The following PRKN variants were observed in gnomAD, a reference collection of about 807,000 sequenced individuals.
PRKN encodes the protein E3 ubiquitin-protein ligase parkin.
A neutral mutation model predicts 59.5 loss-of-function variants in PRKN; 56 were observed. That is an observed-to-expected ratio of 0.94 (90% CI 0.76 to 1.18). The LOEUF is 1.18. Ranked by LOEUF, PRKN falls within the 50% of genes most tolerant of loss-of-function variation. PRKN has a pLI of 0.00. For missense variants in PRKN, 657 were observed against 596.4 expected, an observed-to-expected ratio of 1.10 and a Z score of -1.06; for synonymous variants, 250 against 222.1, an observed-to-expected ratio of 1.13 and a Z score of -1.12.
At chr6:162,438,393 T>C (rs550970853) in intron 2 of PRKN, among the ~76,000 whole-genome samples, 1 of 152,308 alleles carries the variant, frequency 6.6e-6, no homozygotes, top group Admixed American at 6.5e-5. Context: ...CCCTCCTTCC[T>C]AGTGTTCCAA....
intron 2 of PRKN, among the ~76,000 whole-genome samples, chr6:162,318,636 T>C (rs1018727002): frequency 6.6e-6 from 1 of 152,050 alleles, no homozygotes; most frequent in Non-Finnish European, 1.5e-5. Context: ...TTGATAATAG[T>C]TATCCTAATG....
chr6:161,852,312 A>AGGT (rs1440773374), intron 6 of PRKN, among the ~76,000 whole-genome samples: 1 of 152,040 alleles, frequency 6.6e-6, no homozygotes, highest in Non-Finnish European at 1.5e-5. Context: ...AAAATGAGCC[A>AGGT]GGTGGTGGTG....
intron 2 of PRKN, among the ~76,000 whole-genome samples, chr6:162,315,705 T>A (rs962249796): frequency 6.6e-6 from 1 of 152,130 alleles, no homozygotes; most frequent in Non-Finnish European, 1.5e-5. Context: ...TTAGAAGACA[T>A]AAGTCTTTTT....
Position 161,362,427 on chromosome 6 carries a change from G to A in PRKN, c.1168-2222C>T, listed in dbSNP as rs564975000. Reference sequence around the variant, plus strand: ...GCAGGAGACAAAGCCTCCAGCCAGAGCCAGGTGGGAGGTGGAATCCAGTTT... The same window carrying A: ...GCAGGAGACAAAGCCTCCAGCCAGAACCAGGTGGGAGGTGGAATCCAGTTT... On this transcript the variant is annotated intron_variant, in intron 10 of 11. Transcript: ENST00000366898. The surrounding 1 kb of genome is among the most constrained non-coding windows in gnomAD (Gnocchi z 5.2). Among the ~76,000 whole-genome samples the A allele has an allele frequency of 2.0e-5, 3 of 152,276 alleles. No individual in the cohort carries two copies. The South Asian group carries it at 6.2e-4, about 32-fold the overall frequency.
intron 6 of PRKN, among the ~76,000 whole-genome samples, chr6:161,939,476 A>G (rs995799779): frequency 1.3e-5 from 2 of 149,702 alleles, no homozygotes; most frequent in Non-Finnish European, 3.0e-5. Context: ...TCACACTTGT[A>G]ATCCCAGCAC....
chr6:162,647,116 G>T (rs527283583), intron 1 of PRKN, among the ~76,000 whole-genome samples: 11 of 151,982 alleles, frequency 7.2e-5, no homozygotes, highest in African/African-American at 2.7e-4. Flanking sequence ...CTCCACAAAG[G>T]TAAACACTGA....
chr6:161,837,508 T>C (rs150707439), intron 6 of PRKN, among the ~76,000 whole-genome samples: 8 of 152,160 alleles, frequency 5.3e-5, no homozygotes, highest in East Asian at 3.9e-4. Flanking sequence ...AGCCTTAGCA[T>C]TGGGCTGCTC....
intron 6 of PRKN, among the ~76,000 whole-genome samples, chr6:161,850,572 C>T (rs1343176248): frequency 2.0e-4 from 10 of 50,226 alleles, no homozygotes; most frequent in African/African-American, 9.1e-4. Flanking sequence ...GAGACTACGT[C>T]TCAAAAAAAA....
chr6:161,443,105 C>G (rs574515298), intron 9 of PRKN, among the ~76,000 whole-genome samples: 2 of 151,970 alleles, frequency 1.3e-5, no homozygotes, highest in African/African-American at 4.8e-5. Context: ...GTCGGGAGTT[C>G]GAGGCCAGCC....
intron 2 of PRKN, among the ~76,000 whole-genome samples, chr6:162,374,491 A>G (rs1039604463): frequency 1.1e-4 from 17 of 151,606 alleles, no homozygotes; most frequent in Non-Finnish European, 1.5e-5. Flanking sequence ...ACATGAGTTT[A>G]GTCAAAAGCA....
chr6:161,630,138 T>C (rs545642117), intron 7 of PRKN, among the ~76,000 whole-genome samples: 37 of 152,316 alleles, frequency 2.4e-4, no homozygotes, highest in African/African-American at 8.9e-4. Context: ...AGGTTTTTAC[T>C]GTGTACTAGA....
intron 2 of PRKN, chr6:162,270,865 G>T (rs1007325794): frequency 2.0e-5 from 3 of 150,994 alleles, no homozygotes; most frequent in African/African-American, 7.3e-5. Flanking sequence ...TTAAGGCAGG[G>T]TCTCACTCTG....
chr6:162,157,458 A>C (rs1230594686), intron 4 of PRKN, among the ~76,000 whole-genome samples: 2 of 152,010 alleles, frequency 1.3e-5, no homozygotes, highest in Non-Finnish European at 2.9e-5. Flanking sequence ...ATTTTCTAGA[A>C]ATATAAATTT....
At chr6:162,544,523 T>C (rs36022778) in intron 1 of PRKN, among the ~76,000 whole-genome samples, 13,250 of 152,192 alleles carry the variant, frequency 0.087, 727 homozygotes, top group South Asian at 0.18. Context: ...TTGTAGGTAT[T>C]AAAATTTCAT....
At chr6:162,021,498 T>A (rs1171518292) in intron 5 of PRKN, among the ~76,000 whole-genome samples, 1 of 146,530 alleles carries the variant, frequency 6.8e-6, no homozygotes, top group East Asian at 2.0e-4. Context: ...TTTTTTAAAA[T>A]AATCTTTTAA....
At chr6:162,192,147 T>C (rs539703019) in intron 4 of PRKN, among the ~76,000 whole-genome samples, 5 of 152,324 alleles carry the variant, frequency 3.3e-5, no homozygotes, top group African/African-American at 1.2e-4. Flanking sequence ...ATTTCTCTTA[T>C]AAATATTTTA....
At chr6:162,446,510 C>T (rs1790323316) in intron 1 of PRKN, among the ~76,000 whole-genome samples, 1 of 152,028 alleles carries the variant, frequency 6.6e-6, no homozygotes, top group South Asian at 2.1e-4. Context: ...TAAGTATATA[C>T]AAGTTTTTTC....
chr6:161,581,584 A>C lies in PRKN; in HGVS notation c.872-12168T>G, dbSNP rs1025629695. ...AGTCACTGGACAATCAGAAGCAAAG[A>C]CTTACTTATGGACAAGGTGAAGGGC... On this transcript the variant is annotated intron_variant, in intron 7 of 11. Transcript: ENST00000366898. The surrounding 1 kb of genome is among the most constrained non-coding windows in gnomAD (Gnocchi z 4.5). Among the ~76,000 whole-genome samples, 1 of 152,178 alleles carries C rather than the reference A, an allele frequency of 6.6e-6. No homozygotes were observed. Among genetic ancestry groups the C allele is most frequent in the Non-Finnish European group, 1.5e-5 (1 of 68,022 alleles).
chr6:162,206,134 G>A (rs1310492970), intron 3 of PRKN, among the ~76,000 whole-genome samples: 4 of 152,114 alleles, frequency 2.6e-5, no homozygotes, highest in Non-Finnish European at 4.4e-5. Flanking sequence ...GCCATCATGT[G>A]CCCTTATTTC....
Sources: allele counts gnomAD v4.1 joint callset (sites outside exome capture counted in the v4.1 genomes callset), GRCh38; gene constraint gnomAD v4.1.1; non-coding constraint Gnocchi (gnomAD v3.1); transcripts MANE v1.5; gene names NCBI Gene and HGNC (gene_info 2026-07-23, HGNC 2026-07-21).